CFAP20DC: variants seen among roughly 807,000 people sequenced by gnomAD.
The protein encoded by CFAP20DC is protein CFAP20DC.
In CFAP20DC, 84 loss-of-function variants were observed where a neutral mutation model predicts 101.7. The observed-to-expected ratio is 0.83, with a 90% CI of 0.69 to 0.99. The LOEUF (loss-of-function observed/expected upper bound fraction) is 0.99, where lower values mean the gene tolerates loss of function less well. CFAP20DC is among the 50% of genes least tolerant of loss of function. The pLI is 0.00. For synonymous variants in CFAP20DC, 359 were observed against 351.2 expected (o/e 1.02, Z -0.25); for missense variants, 1,007 against 970.3 (o/e 1.04, Z -0.50).
chr3:58,940,720 A>G (rs2088430040), intron 4 of CFAP20DC, among the ~76,000 whole-genome samples: 1 of 152,208 alleles, frequency 6.6e-6, no homozygotes, highest in Admixed American at 6.5e-5. Flanking sequence ...CCAGGTAAAG[A>G]AACTCTTCAA....
chr3:58,877,330 T>A (rs1341893818), intron 7 of CFAP20DC, among the ~76,000 whole-genome samples: 1 of 152,166 alleles, frequency 6.6e-6, no homozygotes, highest in African/African-American at 2.4e-5. Flanking sequence ...AGCAAATAAT[T>A]TATAAATAAC....
At chr3:58,920,509 T>C (rs2085246139) in intron 5 of CFAP20DC, among the ~76,000 whole-genome samples, 1 of 152,206 alleles carries the variant, frequency 6.6e-6, no homozygotes, top group Non-Finnish European at 1.5e-5. Flanking sequence ...TTCAAGAAGT[T>C]TCCTTCTATT....
intron 5 of CFAP20DC, among the ~76,000 whole-genome samples, chr3:58,934,554 T>C (rs532537799): frequency 3.3e-4 from 50 of 152,246 alleles, no homozygotes; most frequent in African/African-American, 9.6e-4. Flanking sequence ...TCCAGCAGCA[T>C]ATCAAAAAGC....
intron 4 of CFAP20DC, chr3:58,953,872 T>G (rs1272984009): frequency 6.6e-6 from 1 of 152,132 alleles, no homozygotes; most frequent in Non-Finnish European, 1.5e-5. Flanking sequence ...CTCTTGTACT[T>G]AAGGATTCAT....
Position 58,937,569 on chromosome 3 carries a change from CTCACATA to C in CFAP20DC, c.393+72_393+78del, listed in dbSNP as rs2107782057. On this transcript the variant is annotated intron_variant, in intron 5 of 16. Transcript: ENST00000482387. ...ACCACCATCGTACTTAACAAAGTAC[CTCACATA>C]TGGAGTCAGCCCATAAGTAATATTT... 5 of 870,408 alleles carry C rather than the reference CTCACATA, an allele frequency of 5.7e-6. No individual in the cohort carries two copies. The East Asian group carries it at 1.2e-4, about 21-fold the overall frequency. The allele number at this position is 870,408 out of a possible 1,614,324, so 53.9% of individuals were successfully genotyped here. A position where few individuals can be genotyped will look rare whatever the true frequency, so the allele number is the denominator to read the frequency against.
chr3:58,952,620 T>C (rs1441471475), intron 4 of CFAP20DC, among the ~76,000 whole-genome samples: 2 of 152,020 alleles, frequency 1.3e-5, no homozygotes, highest in East Asian at 1.9e-4. Flanking sequence ...ACCTCCTTAC[T>C]GGAAAGTGGG....
chr3:58,924,055 AT>A (rs1426816400), intron 5 of CFAP20DC, among the ~76,000 whole-genome samples: 18 of 151,622 alleles, frequency 1.2e-4, no homozygotes, highest in African/African-American at 4.4e-4. Flanking sequence ...CAGATACCGT[AT>A]TTTTTTTCAG....
At chr3:58,776,904 C>T (rs2071386200) in intron 15 of CFAP20DC, among the ~76,000 whole-genome samples, 1 of 152,014 alleles carries the variant, frequency 6.6e-6, no homozygotes, top group African/African-American at 2.4e-5. Context: ...ATCTTGCCTG[C>T]AGATCAACCT....
At chr3:58,985,762 C>T (rs930561636) in intron 4 of CFAP20DC, among the ~76,000 whole-genome samples, 3 of 152,174 alleles carry the variant, frequency 2.0e-5, no homozygotes, top group Non-Finnish European at 2.9e-5. Flanking sequence ...TATTTAAAGT[C>T]TTCATAGCAA....
intron 14 of CFAP20DC, among the ~76,000 whole-genome samples, chr3:58,806,728 G>A (rs1433134281): frequency 2.6e-5 from 4 of 152,224 alleles, no homozygotes; most frequent in African/African-American, 9.6e-5. Context: ...AGGACAGTGG[G>A]TGCAGCGCAC....
intron 4 of CFAP20DC, among the ~76,000 whole-genome samples, chr3:58,978,605 A>T (rs2092384200): frequency 6.6e-6 from 1 of 150,976 alleles, no homozygotes; most frequent in African/African-American, 2.4e-5. Context: ...GCTGCTCTGG[A>T]GGCTGAGGCA....
intron 15 of CFAP20DC, among the ~76,000 whole-genome samples, chr3:58,793,320 C>A (rs2073002292): frequency 6.6e-6 from 1 of 152,136 alleles, no homozygotes; most frequent in African/African-American, 2.4e-5. Context: ...TTACTGTATG[C>A]CTTGCTGCAA....
At chr3:58,937,005 C>T (rs1188727406) in intron 5 of CFAP20DC, among the ~76,000 whole-genome samples, 1 of 150,154 alleles carries the variant, frequency 6.7e-6, no homozygotes, top group East Asian at 1.9e-4. Flanking sequence ...GTATCAAGTG[C>T]ATACCAGAAT....
chr3:59,029,377 T>C (rs2093948550), intron 4 of CFAP20DC, among the ~76,000 whole-genome samples: 1 of 151,890 alleles, frequency 6.6e-6, no homozygotes, highest in African/African-American at 2.4e-5. Flanking sequence ...GCATAAGAGA[T>C]GAACTTCATT....
chr3:59,043,636 T>A (rs1219341139), intron 3 of CFAP20DC, among the ~76,000 whole-genome samples: 1 of 151,662 alleles, frequency 6.6e-6, no homozygotes, highest in African/African-American at 2.4e-5. Flanking sequence ...TTGATTCAGA[T>A]GCCACAGGCA....
chr3:59,047,718 T>A (rs576380023), intron 1 of CFAP20DC, among the ~76,000 whole-genome samples: 2 of 152,318 alleles, frequency 1.3e-5, no homozygotes, highest in South Asian at 4.1e-4. Context: ...TTTTTAACTA[T>A]CTGAACTTGG....
chr3:58,792,583 T>A (rs1217798945), intron 15 of CFAP20DC, among the ~76,000 whole-genome samples: 1 of 151,940 alleles, frequency 6.6e-6, no homozygotes, highest in Non-Finnish European at 1.5e-5. Flanking sequence ...TCTTAAAAAC[T>A]TTTACTTTCT....
chr3:58,739,074 CA>C (rs1273708361), downstream of CFAP20DC, among the ~76,000 whole-genome samples: 1 of 151,616 alleles, frequency 6.6e-6, no homozygotes, highest in East Asian at 1.9e-4. Context: ...ATCTAAAAAT[CA>C]AGAAAATATA....
intron 5 of CFAP20DC, among the ~76,000 whole-genome samples, chr3:58,934,671 C>A (rs1240724206): frequency 6.6e-6 from 1 of 152,150 alleles, no homozygotes; most frequent in African/African-American, 2.4e-5. Context: ...AAGACAAAAA[C>A]CACATGATTA....
Sources: allele counts gnomAD v4.1 joint callset (sites outside exome capture counted in the v4.1 genomes callset), GRCh38; gene constraint gnomAD v4.1.1; transcripts MANE v1.5; gene names NCBI Gene and HGNC (gene_info 2026-07-23, HGNC 2026-07-21).